Variants in PSD3 observed in about 807,000 individuals in gnomAD.
The protein encoded by PSD3 is PH and SEC7 domain-containing protein 3.
A neutral mutation model predicts 105.5 loss-of-function variants in PSD3; 49 were observed. The ratio of observed to expected loss-of-function variants is 0.46; its 90% CI spans 0.37 to 0.59. The LOEUF (loss-of-function observed/expected upper bound fraction) is 0.59. PSD3 is among the 20% of genes least tolerant of loss of function. The pLI is 0.00. For synonymous variants in PSD3, 557 were observed against 457.8 expected (o/e 1.22, Z -2.77); for missense variants, 1,561 against 1,263.8 (o/e 1.24, Z -3.57).
chr8:19,063,895 AC>A (rs1203488072), intron 1 of PSD3, among the ~76,000 whole-genome samples: 1 of 152,184 alleles, frequency 6.6e-6, no homozygotes, highest in African/African-American at 2.4e-5. Flanking sequence ...TAATTCCAGC[AC>A]TTTGGGAGGC....
At chr8:18,966,745 G>C (rs114505351) in intron 1 of PSD3, among the ~76,000 whole-genome samples, 5 of 152,136 alleles carry the variant, frequency 3.3e-5, no homozygotes, top group African/African-American at 1.2e-4. Flanking sequence ...GGACCAACGG[G>C]CACATCTTCT....
At chr8:18,616,616 C>CTTTTTT (rs1805687934) in intron 11 of PSD3, among the ~76,000 whole-genome samples, 2 of 80,218 alleles carry the variant, frequency 2.5e-5, no homozygotes, top group Non-Finnish European at 5.4e-5. Context: ...TCATCTTCCT[C>CTTTTTT]TCTTTTCTTT....
chr8:18,543,388 G>A (rs1315180859), intron 15 of PSD3, among the ~76,000 whole-genome samples: 3 of 152,252 alleles, frequency 2.0e-5, no homozygotes, highest in South Asian at 4.1e-4. Flanking sequence ...GCCGAGGCAG[G>A]CGGATCACGA....
intron 9 of PSD3, among the ~76,000 whole-genome samples, chr8:18,669,360 T>A (rs879593682): frequency 3.3e-5 from 5 of 152,218 alleles, no homozygotes; most frequent in Admixed American, 2.0e-4. Flanking sequence ...TACATGCTTA[T>A]AAGGTTGAAT....
chr8:18,920,513 T>C (rs1218842992), intron 2 of PSD3, among the ~76,000 whole-genome samples: 1 of 152,212 alleles, frequency 6.6e-6, no homozygotes, highest in Non-Finnish European at 1.5e-5. Context: ...TTTGAAATAG[T>C]AAACAACTTT....
intron 2 of PSD3, among the ~76,000 whole-genome samples, chr8:18,905,490 A>G (rs943832502): frequency 1.1e-4 from 17 of 152,060 alleles, no homozygotes; most frequent in African/African-American, 4.1e-4. Flanking sequence ...TTCCCGGATA[A>G]TTTTTGTATT....
intron 13 of PSD3, 24 bp from the exon 14 acceptor site, chr8:18,572,696 A>G: frequency 6.2e-7 from 1 of 1,610,254 alleles, no homozygotes; most frequent in Non-Finnish European, 8.5e-7. Flanking sequence ...ATATGTTTAT[A>G]TCAGGATATT....
At chr8:18,888,844 A>C (rs1187736180) in intron 2 of PSD3, among the ~76,000 whole-genome samples, 1 of 152,174 alleles carries the variant, frequency 6.6e-6, no homozygotes, top group South Asian at 2.1e-4. Flanking sequence ...AGGGGAGGAA[A>C]GAGTGGTAAG....
At chr8:18,779,084 A>C (rs1324302288) in intron 8 of PSD3, among the ~76,000 whole-genome samples, 3 of 152,126 alleles carry the variant, frequency 2.0e-5, no homozygotes, top group Non-Finnish European at 4.4e-5. Context: ...TCCTGGGCTC[A>C]AGCTTTTCTC....
chr8:19,034,673 G>C (rs930715537), intron 1 of PSD3, among the ~76,000 whole-genome samples: 1 of 152,186 alleles, frequency 6.6e-6, no homozygotes, highest in East Asian at 1.9e-4. Context: ...TGGTTAGGTA[G>C]CCAGACTTGC....
chr8:18,711,098 C>T (rs1802223488), intron 9 of PSD3, among the ~76,000 whole-genome samples: 1 of 152,110 alleles, frequency 6.6e-6, no homozygotes, highest in African/African-American at 2.4e-5. Flanking sequence ...TGACAGAATT[C>T]ATCACCACCA....
At chr8:18,896,264 T>G (rs1239500241) in intron 2 of PSD3, among the ~76,000 whole-genome samples, 1 of 152,226 alleles carries the variant, frequency 6.6e-6, no homozygotes, top group Non-Finnish European at 1.5e-5. Flanking sequence ...TTGTGAATAG[T>G]ATTGCAATAA....
intron 4 of PSD3, among the ~76,000 whole-genome samples, chr8:18,809,301 A>G (rs1223148690): frequency 6.6e-6 from 1 of 152,164 alleles, no homozygotes; most frequent in Non-Finnish European, 1.5e-5. Flanking sequence ...AGACTTCCCA[A>G]AAGGTTCTCC....
chr8:18,611,438 G>A (rs940048655), intron 11 of PSD3, among the ~76,000 whole-genome samples: 7 of 151,956 alleles, frequency 4.6e-5, no homozygotes, highest in Non-Finnish European at 7.4e-5. Context: ...TTTTTAAGAG[G>A]ACACATTTTA....
At chr8:18,769,574 T>C (rs1446947137) in intron 8 of PSD3, among the ~76,000 whole-genome samples, 1 of 152,132 alleles carries the variant, frequency 6.6e-6, no homozygotes, top group Non-Finnish European at 1.5e-5. Flanking sequence ...ACTATCTACA[T>C]TCAGAACATT....
chr8:18,842,853 G>A (rs1360275074), intron 4 of PSD3, among the ~76,000 whole-genome samples: 2 of 152,160 alleles, frequency 1.3e-5, no homozygotes, highest in South Asian at 2.1e-4. Context: ...ATTAAATGAA[G>A]CCTCATGCAA....
At chr8:18,540,334 G>A (rs932575237) in intron 15 of PSD3, among the ~76,000 whole-genome samples, 2 of 152,080 alleles carry the variant, frequency 1.3e-5, no homozygotes, top group Non-Finnish European at 2.9e-5. Flanking sequence ...TGGGTGACTT[G>A]TTTTATTGTG....
intron 9 of PSD3, among the ~76,000 whole-genome samples, chr8:18,661,466 G>A (rs989504153): frequency 2.0e-5 from 3 of 152,154 alleles, no homozygotes; most frequent in Non-Finnish European, 2.9e-5. Flanking sequence ...CCAGTTATTA[G>A]ATAAATATCA....
At chr8:18,856,151 C>T (rs1438435367) in intron 4 of PSD3, among the ~76,000 whole-genome samples, 1 of 152,174 alleles carries the variant, frequency 6.6e-6, no homozygotes, top group Non-Finnish European at 1.5e-5. Context: ...ACATAGCCAA[C>T]TCAGCCTTCA....
Sources: gnomAD v4.1 joint callset for allele counts (sites outside exome capture counted in the v4.1 genomes callset) on GRCh38, gnomAD v4.1.1 for gene constraint, MANE v1.5 for transcripts, NCBI Gene and HGNC (gene_info 2026-07-23, HGNC 2026-07-21) for gene names.